Variants in RABGAP1L observed in about 807,000 individuals in gnomAD.
RABGAP1L encodes RAB GTPase activating protein 1 like, also known as rab GTPase-activating protein 1-like.
In RABGAP1L, 63 loss-of-function variants were observed where a neutral mutation model predicts 137.7. The ratio of observed to expected loss-of-function variants is 0.46; its 90% CI spans 0.37 to 0.56. The LOEUF is 0.56. RABGAP1L is among the 20% of genes least tolerant of loss of function. RABGAP1L has a pLI of 0.00. For synonymous variants in RABGAP1L, 431 were observed against 433.7 expected (o/e 0.99, Z 0.08); for missense variants, 1,095 against 1,244.0 (o/e 0.88, Z 1.80).
intron 20 of RABGAP1L, chr1:174,957,978 T>C: frequency 6.4e-7 from 1 of 1,567,658 alleles, no homozygotes; most frequent in South Asian, 1.2e-5. Flanking sequence ...AAAAAGAAAG[T>C]GGCTTTCTAC....
chr1:174,833,358 A>C, intron 19 of RABGAP1L, among the ~76,000 whole-genome samples: 1 of 134,116 alleles, frequency 7.5e-6, no homozygotes, highest in African/African-American at 2.7e-5. Flanking sequence ...TGCCACCACA[A>C]CCAGCTAATT....
At position 174,833,447 on chromosome 1, in the gene RABGAP1L, G is replaced by GATATAT. The variant is rs1275423217; in HGVS notation, c.2340+21488_2340+21489insTATATA. Among the ~76,000 whole-genome samples, 3 of 16,922 alleles carry GATATAT rather than the reference G, an allele frequency of 1.8e-4. 1 individual carries two copies. The highest frequency in any genetic ancestry group is 2.2e-4 in the African/African-American group (3 of 13,738). 11.1% of individuals were successfully genotyped at this position (16,922 alleles called of 152,430 possible). A position where few individuals can be genotyped will look rare whatever the true frequency, so the allele number is the denominator to read the frequency against. On this transcript the variant is annotated intron_variant, in intron 19 of 25. Coordinates refer to ENST00000681986, the MANE Select transcript of RABGAP1L (RefSeq NM_001366446.1). Reference sequence around the variant, plus strand: ...GTATATATATATGTGTGTGTGTGTAGAGATATATATATATATATATAGTAG... The same window carrying GATATAT: ...GTATATATATATGTGTGTGTGTGTAGATATATAGATATATATATATATATATAGTAG...
At chr1:174,760,232 A>G (rs140637516) in intron 18 of RABGAP1L, among the ~76,000 whole-genome samples, 78 of 151,028 alleles carry the variant, frequency 5.2e-4, no homozygotes, top group African/African-American at 1.8e-3. Context: ...GGTCTGTTAT[A>G]TAGATAAATT....
chr1:174,542,770 T>C (rs1244202696), intron 13 of RABGAP1L, among the ~76,000 whole-genome samples: 1 of 152,240 alleles, frequency 6.6e-6, no homozygotes, highest in Non-Finnish European at 1.5e-5. Context: ...TTTAAATGTG[T>C]CCCAGAGATT....
chr1:174,903,033 G>T (rs957358307), intron 19 of RABGAP1L, among the ~76,000 whole-genome samples: 1 of 152,210 alleles, frequency 6.6e-6, no homozygotes, highest in African/African-American at 2.4e-5. Flanking sequence ...CAGTGACAAA[G>T]CTGGGATTTA....
intron 10 of RABGAP1L, among the ~76,000 whole-genome samples, chr1:174,299,436 A>T (rs184093939): frequency 5.0e-4 from 76 of 152,280 alleles, no homozygotes; most frequent in Non-Finnish European, 6.3e-4. Context: ...TTTGAGATTG[A>T]CTCAGCCTCA....
intron 13 of RABGAP1L, among the ~76,000 whole-genome samples, chr1:174,580,023 A>G (rs1404798058): frequency 1.3e-5 from 2 of 152,284 alleles, no homozygotes; most frequent in South Asian, 4.1e-4. Context: ...CGGCCTCCCA[A>G]AGTGCTGGGA....
chr1:174,629,765 C>G (rs973499092), intron 13 of RABGAP1L, among the ~76,000 whole-genome samples: 21 of 152,248 alleles, frequency 1.4e-4, no homozygotes, highest in African/African-American at 4.8e-4. Flanking sequence ...CTCAGGCAAT[C>G]CGCCCGCCTC....
chr1:174,349,624 C>G (rs1299946842), intron 11 of RABGAP1L, among the ~76,000 whole-genome samples: 12 of 137,982 alleles, frequency 8.7e-5, no homozygotes, highest in African/African-American at 2.9e-4. Context: ...GGCGGCTGGC[C>G]GGGTGGGGGG....
chr1:174,620,410 AG>A (rs1427947126), intron 13 of RABGAP1L, among the ~76,000 whole-genome samples: 3 of 152,220 alleles, frequency 2.0e-5, no homozygotes, highest in African/African-American at 7.2e-5. Flanking sequence ...CAAATGTAAA[AG>A]AACAGAAATT....
rs117656354 is a variant in RABGAP1L at position 174,616,726 on chromosome 1, G to A, written c.1711-20649G>A. ...GAATAAAAAGGATACTTGACTATGT[G>A]GATAATTCTGAATTGAGTTTTATAC... On this transcript the variant is annotated intron_variant, in intron 13 of 25. Coordinates refer to ENST00000681986, the MANE Select transcript of RABGAP1L (RefSeq NM_001366446.1). Among the ~76,000 whole-genome samples, 72 of 152,294 alleles carry A rather than the reference G, an allele frequency of 4.7e-4. No individual in the cohort carries two copies. In the East Asian group the frequency reaches 0.012, roughly 25 times the overall value.
intron 1 of RABGAP1L, among the ~76,000 whole-genome samples, chr1:174,185,680 TTAAC>T (rs1666743272): frequency 6.6e-6 from 1 of 152,220 alleles, no homozygotes; most frequent in African/African-American, 2.4e-5. Context: ...CATAACTTAA[TTAAC>T]TGTCTCCTTA....
At chr1:174,412,507 G>A (rs185113048) in intron 13 of RABGAP1L, among the ~76,000 whole-genome samples, 3 of 152,168 alleles carry the variant, frequency 2.0e-5, no homozygotes, top group Non-Finnish European at 4.4e-5. Flanking sequence ...TCATAAAGTT[G>A]TTAGTTGGTT....
rs551400997 is a variant in RABGAP1L, at chr1:174,635,769, G to A, written c.1711-1606G>A. 3.3e-5 allele frequency among the ~76,000 whole-genome samples: 5 copies of A among 152,122 alleles called. No individual in the cohort carries two copies. The South Asian group carries it at 1.0e-3, about 32-fold the overall frequency. ...TTTTTGGTTTGCTTCCTCTCTTTCTGTATATAAGATCTAATTACCACCCAG... is the reference window on the plus strand; with the variant it reads ...TTTTTGGTTTGCTTCCTCTCTTTCTATATATAAGATCTAATTACCACCCAG... On this transcript the variant is annotated intron_variant, in intron 13 of 25. Coordinates refer to ENST00000681986, the MANE Select transcript of RABGAP1L (RefSeq NM_001366446.1).
In RABGAP1L at chr1:174,805,598, T is replaced by C. The variant is rs575821301; in HGVS notation, c.2212-6234T>C. ...TTCACTGCAACCTCCATCTCCTGGG[T>C]TCTTGCAATTCTCCTGCCTCAGCCT... On this transcript the variant is annotated intron_variant, in intron 18 of 25. Transcript: ENST00000681986. Among the ~76,000 whole-genome samples, 15 of 152,250 alleles carry C rather than the reference T, an allele frequency of 9.9e-5. No homozygotes were observed. The East Asian group carries it at 2.9e-3, about 29-fold the overall frequency.
intron 19 of RABGAP1L, among the ~76,000 whole-genome samples, chr1:174,853,248 C>G (rs955707571): frequency 2.0e-5 from 3 of 147,864 alleles, no homozygotes; most frequent in Non-Finnish European, 4.5e-5. Context: ...TTTTTAACAT[C>G]CAGTAAAACA....
intron 18 of RABGAP1L, among the ~76,000 whole-genome samples, chr1:174,803,630 G>GTC (rs1688966866): frequency 6.6e-6 from 1 of 150,568 alleles, no homozygotes; most frequent in Non-Finnish European, 1.5e-5. Context: ...TTTTCAAATA[G>GTC]TCCCCTAAAA....
At chr1:174,752,837 T>C (rs907715873) in intron 18 of RABGAP1L, among the ~76,000 whole-genome samples, 1 of 152,268 alleles carries the variant, frequency 6.6e-6, no homozygotes, top group Non-Finnish European at 1.5e-5. Flanking sequence ...TAAAACACTT[T>C]AGAATTCTAT....
intron 19 of RABGAP1L, among the ~76,000 whole-genome samples, chr1:174,888,018 C>T (rs1225986832): frequency 6.6e-6 from 1 of 151,104 alleles, no homozygotes; most frequent in Non-Finnish European, 1.5e-5. Context: ...GCCTGGGGGA[C>T]AGAGCGAGAC....
Sources: allele counts gnomAD v4.1 joint callset (sites outside exome capture counted in the v4.1 genomes callset), GRCh38; gene constraint gnomAD v4.1.1; transcripts MANE v1.5; gene names NCBI Gene and HGNC (gene_info 2026-07-23, HGNC 2026-07-21).